The following LDLRAD4 variants were observed in gnomAD, a reference collection of about 807,000 sequenced individuals.
LDLRAD4 encodes low-density lipoprotein receptor class A domain-containing protein 4.
A neutral mutation model predicts 17.0 loss-of-function variants in LDLRAD4; 5 were observed. That is an observed-to-expected ratio of 0.29 (90% CI 0.15 to 0.62). LDLRAD4 has a LOEUF of 0.62. Among genes scored for constraint, LDLRAD4 ranks in the 20% least tolerant of loss-of-function variants. The pLI, the probability that LDLRAD4 is intolerant of heterozygous loss-of-function variation, is 0.84. For missense variants in LDLRAD4, 340 were observed against 424.7 expected, an observed-to-expected ratio of 0.80 and a Z score of 1.75; for synonymous variants, 168 against 171.8, an observed-to-expected ratio of 0.98 and a Z score of 0.17.
intron 3 of LDLRAD4, among the ~76,000 whole-genome samples, chr18:13,476,528 G>A (rs943197933): frequency 9.9e-5 from 15 of 151,910 alleles, no homozygotes; most frequent in Non-Finnish European, 1.3e-4. Flanking sequence ...GGAGGCTGAG[G>A]TGGGAGGATC....
chr18:13,326,469 C>T (rs974969250), intron 1 of LDLRAD4, among the ~76,000 whole-genome samples: 1 of 152,136 alleles, frequency 6.6e-6, no homozygotes, highest in South Asian at 2.1e-4. Flanking sequence ...TTTTCTGCAC[C>T]TGGGAAGCGA....
At chr18:13,574,911 A>G (rs2094747561) in intron 3 of LDLRAD4, among the ~76,000 whole-genome samples, 1 of 152,164 alleles carries the variant, frequency 6.6e-6, no homozygotes, top group African/African-American at 2.4e-5. Flanking sequence ...TCTTGCCCCC[A>G]TACGTCTCCT....
chr18:13,306,088 G>A (rs532010070), intron 1 of LDLRAD4, among the ~76,000 whole-genome samples: 13 of 152,260 alleles, frequency 8.5e-5, no homozygotes, highest in African/African-American at 3.1e-4. Context: ...AAATCATTGA[G>A]GAGAAAGAAT....
At chr18:13,603,881 C>T (rs1265217506) in intron 3 of LDLRAD4, among the ~76,000 whole-genome samples, 5 of 152,202 alleles carry the variant, frequency 3.3e-5, no homozygotes, top group Admixed American at 6.5e-5. Flanking sequence ...TGCAGTGCAT[C>T]GTGGTGGCCG....
At chr18:13,252,317 TG>T (rs2043263120) in intron 1 of LDLRAD4, among the ~76,000 whole-genome samples, 1 of 152,078 alleles carries the variant, frequency 6.6e-6, no homozygotes, top group African/African-American at 2.4e-5. Flanking sequence ...TTAGTAGAGA[TG>T]GGGTTTCATC....
At chr18:13,632,722 G>A (rs564686944) in intron 4 of LDLRAD4, among the ~76,000 whole-genome samples, 9 of 152,306 alleles carry the variant, frequency 5.9e-5, no homozygotes, top group Admixed American at 2.0e-4. Flanking sequence ...CCCACCATTC[G>A]GCCAGTCACA....
intron 4 of LDLRAD4, among the ~76,000 whole-genome samples, chr18:13,634,212 A>G (rs183318514): frequency 3.3e-5 from 5 of 152,360 alleles, no homozygotes; most frequent in Admixed American, 3.3e-4. Flanking sequence ...CATTCTAGCC[A>G]GAGCAATTAG....
chr18:13,550,723 GC>G (rs1300127806), intron 3 of LDLRAD4, among the ~76,000 whole-genome samples: 1 of 152,222 alleles, frequency 6.6e-6, no homozygotes, highest in African/African-American at 2.4e-5. Flanking sequence ...CTGGCTGACA[GC>G]CCTCCGGCCA....
At chr18:13,477,790 C>T (rs1247558881) in intron 3 of LDLRAD4, among the ~76,000 whole-genome samples, 2 of 152,146 alleles carry the variant, frequency 1.3e-5, no homozygotes, top group Non-Finnish European at 2.9e-5. Flanking sequence ...GCAGAAGAGG[C>T]GTCTGATGCA....
intron 4 of LDLRAD4, chr18:13,642,596 C>T (rs1279781117): frequency 4.2e-5 from 52 of 1,229,402 alleles, no homozygotes; most frequent in Non-Finnish European, 5.2e-5. Context: ...CGGAAAGGGC[C>T]GTCCACCTGC....
At chr18:13,231,155 C>T (rs1004342032) in intron 1 of LDLRAD4, among the ~76,000 whole-genome samples, 5 of 152,116 alleles carry the variant, frequency 3.3e-5, no homozygotes, top group African/African-American at 4.8e-5. Flanking sequence ...GCATCGTCTT[C>T]GAGTTCAGAG....
chr18:13,610,305 T>TTTTTTTTTTC (rs1491536129), intron 3 of LDLRAD4, among the ~76,000 whole-genome samples: 514 of 24,360 alleles, frequency 0.021, 172 homozygotes, highest in Non-Finnish European at 0.033. Context: ...TTTTTTTTTT[T>TTTTTTTTTTC]GAGACGGAGT....
intron 1 of LDLRAD4, among the ~76,000 whole-genome samples, chr18:13,357,023 A>G (rs1398004284): frequency 6.6e-6 from 1 of 152,160 alleles, no homozygotes; most frequent in African/African-American, 2.4e-5. Flanking sequence ...AATCCCAGCT[A>G]CTTGGGAGGC....
chr18:13,559,432 C>T (rs2094516846), intron 3 of LDLRAD4, among the ~76,000 whole-genome samples: 1 of 95,562 alleles, frequency 1.0e-5, no homozygotes, highest in Admixed American at 1.0e-4. Flanking sequence ...ATATAAGGCC[C>T]AATATGCTAA....
chr18:13,432,233 TC>T (rs2090392826), intron 2 of LDLRAD4, among the ~76,000 whole-genome samples: 1 of 152,226 alleles, frequency 6.6e-6, no homozygotes, highest in African/African-American at 2.4e-5. Flanking sequence ...GCCCTAAGGA[TC>T]GACTTTTCAT....
chr18:13,364,892 G>A (rs1466023860), intron 1 of LDLRAD4, among the ~76,000 whole-genome samples: 2 of 152,214 alleles, frequency 1.3e-5, no homozygotes, highest in Non-Finnish European at 2.9e-5. Flanking sequence ...TGTGTTTGAA[G>A]TGTGCAAAGT....
At chr18:13,291,001 C>A (rs1003741587) in intron 1 of LDLRAD4, among the ~76,000 whole-genome samples, 5 of 152,208 alleles carry the variant, frequency 3.3e-5, no homozygotes, top group African/African-American at 1.2e-4. Flanking sequence ...TTTTAATTTC[C>A]TGGGGCTAAC....
intron 2 of LDLRAD4, among the ~76,000 whole-genome samples, chr18:13,391,256 A>G (rs1191501122): frequency 1.3e-5 from 2 of 152,156 alleles, no homozygotes; most frequent in African/African-American, 4.8e-5. Context: ...CTTGGAGGGT[A>G]GAGGCTCAGA....
chr18:13,576,722 G>A (rs2094778482), intron 3 of LDLRAD4, among the ~76,000 whole-genome samples: 1 of 152,208 alleles, frequency 6.6e-6, no homozygotes, highest in Non-Finnish European at 1.5e-5. Flanking sequence ...GATTTGTTGG[G>A]TGGGACCACA....
Sources: allele counts gnomAD v4.1 joint callset (sites outside exome capture counted in the v4.1 genomes callset), GRCh38; gene constraint gnomAD v4.1.1; transcripts MANE v1.5; gene names NCBI Gene and HGNC (gene_info 2026-07-23, HGNC 2026-07-21).